Variants in ADGRG4 observed in about 807,000 individuals in gnomAD.
ADGRG4 encodes the protein G protein-coupled receptor 112.
Under a neutral mutation model 126.2 loss-of-function variants are expected in ADGRG4, and 122 were observed. That is an observed-to-expected ratio of 0.97 (90% CI 0.83 to 1.12). The LOEUF (loss-of-function observed/expected upper bound fraction) is 1.12. Ranked by LOEUF, ADGRG4 falls within the 50% of genes most tolerant of loss-of-function variation. The pLI, the probability that ADGRG4 is intolerant of heterozygous loss-of-function variation, is 0.00. For synonymous variants in ADGRG4, 943 were observed against 838.7 expected, an observed-to-expected ratio of 1.12 and a Z score of -2.15; for missense variants, 2,481 against 2,251.8, an observed-to-expected ratio of 1.10 and a Z score of -2.06.
intron 17 of ADGRG4, 151 bp downstream of exon 17, chrX:136,392,505 A>G: frequency 2.2e-6 from 1 of 464,503 alleles, no homozygotes; most frequent in Non-Finnish European, 3.5e-6. Flanking sequence ...TATAATTGGA[A>G]CCTTCCAGAA....
At chrX:136,311,851 T>A (rs377291585) in intron 4 of ADGRG4, among the ~76,000 whole-genome samples, 17 of 111,076 alleles carry the variant, frequency 1.5e-4, no homozygotes, top group African/African-American at 4.6e-4. Context: ...TTTCTTTTTT[T>A]AAAAAATTTT....
Position 136,345,262 on chromosome X carries a change from C to T in ADGRG4, c.1556C>T (p.Ala519Val). 1.7e-6 allele frequency: 2 copies of T among 1,210,952 alleles called. No individual in the cohort carries two copies. Among genetic ancestry groups the T allele is most frequent in the African/African-American group, 3.5e-5 (2 of 57,851 alleles). Reference protein sequence around the residue: ...LPTRLIETTPAPRTAETELTS... With the variant: ...LPTRLIETTPVPRTAETELTS... ...ACTAGGCTTATTGAGACCACACCTG[C>T]CCCAAGGACAGCTGAAACAGAATTG... The change falls in exon 6 of 26, where the codon GCC becomes GTC. Residue 519 changes from alanine (A) to valine (V), a missense_variant. Physicochemically the swap from Ala to Val is moderately conservative, Grantham distance 64. Coordinates refer to ENST00000394143, the MANE Select transcript of ADGRG4 (RefSeq NM_153834.4).
intron 4 of ADGRG4, among the ~76,000 whole-genome samples, chrX:136,320,202 G>T (rs956634375): frequency 1.8e-5 from 2 of 111,727 alleles, no homozygotes; most frequent in Non-Finnish European, 3.8e-5. Context: ...ATACAGGTTC[G>T]TCAATTGTTC....
At position 136,348,903 on chromosome X, in the gene ADGRG4, A is replaced by T; in HGVS notation, c.5197A>T (p.Thr1733Ser). Residue 1733 changes from threonine (T) to serine (S), a missense_variant, in exon 6 of 26, where the codon ACA (threonine) becomes TCA (serine). Thr to Ser is a moderately conservative substitution (Grantham distance 58). Transcript: ENST00000394143. ...GTCCCTATCTACTGTGAACAGTGGT[A>T]CAGGGGTAGCTCTCACAGATACTTA... ...NRSLSTVNSGTGVALTDTYSR... is the reference protein window; with the variant it reads ...NRSLSTVNSGSGVALTDTYSR... The T allele has an allele frequency of 8.3e-7, 1 of 1,204,129 alleles. No homozygotes were observed. Among genetic ancestry groups the T allele is most frequent in the Non-Finnish European group, 1.1e-6 (1 of 889,418 alleles).
intron 5 of ADGRG4, among the ~76,000 whole-genome samples, chrX:136,326,777 CT>C (rs2074875973): frequency 9.0e-6 from 1 of 111,056 alleles, no homozygotes; most frequent in Non-Finnish European, 1.9e-5. Context: ...CAGCTTTTGC[CT>C]AATAAATTGA....
intron 23 of ADGRG4, among the ~76,000 whole-genome samples, chrX:136,411,494 G>C (rs1399039608): frequency 8.9e-6 from 1 of 112,978 alleles, no homozygotes; most frequent in Non-Finnish European, 1.9e-5. Context: ...GAAGTTGAGG[G>C]TCAAATCCAT....
At chrX:136,356,347 C>T (rs1382546788) in intron 9 of ADGRG4, among the ~76,000 whole-genome samples, 182 bp downstream of exon 9, 1 of 111,310 alleles carries the variant, frequency 9.0e-6, no homozygotes, top group East Asian at 2.8e-4. Context: ...CCATCCCCTG[C>T]TTTTTTGAAC....
rs985894118 is a variant in ADGRG4, at chrX:136,357,652, T to C, written c.6928-52T>C. ...GTTAACAATAAGCCCTGTACTCAGT[T>C]ATGACATTTGTTTAAAGATTTCAGT... On this transcript the variant is annotated intron_variant, in intron 9 of 25. Transcript: ENST00000394143. 9.3e-6 allele frequency: 8 copies of C among 858,634 alleles called. No homozygotes were observed. In the African/African-American group the frequency reaches 1.6e-4, roughly 17 times the overall value. The allele number at this position is 858,634 out of a possible 1,213,427, so 70.8% of individuals were successfully genotyped here. A position where few individuals can be genotyped will look rare whatever the true frequency, so the allele number is the denominator to read the frequency against.
At chrX:136,303,082 A>G (rs1195235002) in intron 1 of ADGRG4, among the ~76,000 whole-genome samples, 1 of 111,785 alleles carries the variant, frequency 8.9e-6, no homozygotes, top group East Asian at 2.8e-4. Context: ...GCACTTTGGG[A>G]GGCCAAGGTG....
In ADGRG4 at chrX:136,347,702, C is replaced by T; in HGVS notation, c.3996C>T (p.Pro1332=). The T allele has an allele frequency of 8.3e-7, 1 of 1,209,488 alleles. No homozygotes were observed. Among genetic ancestry groups the T allele is most frequent in the African/African-American group, 1.7e-5 (1 of 57,733 alleles). ...TPSDGNLASS[P]TSGSTQITPT... ...CTGATGGAAATTTGGCTTCATCTCC[C>T]ACTTCTGGAAGCACACAGATTACAC... is the stretch of plus-strand genomic sequence containing the variant. Residue 1332 remains proline (P), a synonymous_variant, in exon 6 of 26, where the codon CCC becomes CCT. Coordinates refer to ENST00000394143, the MANE Select transcript of ADGRG4 (RefSeq NM_153834.4).
At chrX:136,399,745 A>C in intron 20 of ADGRG4, 103 bp from the exon 21 acceptor site, 1 of 713,512 alleles carries the variant, frequency 1.4e-6, no homozygotes, top group African/African-American at 2.2e-5. Flanking sequence ...AAAGATGAGT[A>C]ATTCTTTTAT....
chrX:136,306,350 C>G (rs1486265994), intron 3 of ADGRG4, among the ~76,000 whole-genome samples: 9 of 111,296 alleles, frequency 8.1e-5, no homozygotes, highest in Non-Finnish European at 1.7e-4. Context: ...TAATCCTCAC[C>G]CTTTCTTTCT....
At chrX:136,328,543 C>T (rs755763486) in intron 5 of ADGRG4, among the ~76,000 whole-genome samples, 13 of 110,077 alleles carry the variant, frequency 1.2e-4, no homozygotes, top group Non-Finnish European at 2.3e-4. Context: ...ATGAAATAAC[C>T]TGAACTGAGT....
chrX:136,304,348 A>G (rs1265212945), intron 2 of ADGRG4, 141 bp downstream of exon 2: 1 of 112,488 alleles, frequency 8.9e-6, no homozygotes, highest in Non-Finnish European at 1.9e-5. Flanking sequence ...GAACACATGC[A>G]AATGATTACA....
chrX:136,309,286 T>C (rs2074753209), intron 4 of ADGRG4, among the ~76,000 whole-genome samples: 1 of 112,384 alleles, frequency 8.9e-6, no homozygotes, highest in Admixed American at 9.4e-5. Flanking sequence ...AACTGAGGCA[T>C]GCAAACAGCT....
chrX:136,397,757 T>G, intron 19 of ADGRG4, 124 bp from the exon 20 acceptor site: 1 of 659,828 alleles, frequency 1.5e-6, no homozygotes, highest in Non-Finnish European at 2.3e-6. Flanking sequence ...CATAATCTGG[T>G]TTTAGAAGAG....
intron 5 of ADGRG4, among the ~76,000 whole-genome samples, chrX:136,325,468 C>T (rs1446008897): frequency 8.9e-6 from 1 of 111,871 alleles, no homozygotes; most frequent in Non-Finnish European, 1.9e-5. Context: ...GATTACAAAA[C>T]TGAGCTACAG....
Position 136,349,918 on chromosome X carries a change from C to T in ADGRG4, c.6212C>T (p.Thr2071Ile), listed in dbSNP as rs766822340. 2 of 1,208,885 alleles carry T rather than the reference C, an allele frequency of 1.7e-6. No individual in the cohort carries two copies. The part of the protein sequence containing the change: ...SATMSTILTR[T>I]IPTPTLGGIT... ...ACTATGAGCACCATACTCACCCGAA[C>T]CATTCCTACACCTACACTGGGTGGT... Residue 2071 changes from threonine to isoleucine, a missense_variant, in exon 6 of 26, where the codon ACC becomes ATC. Thr to Ile is a moderately conservative substitution (Grantham distance 89). Coordinates refer to ENST00000394143, the MANE Select transcript of ADGRG4 (RefSeq NM_153834.4).
chrX:136,391,823 A>G (rs1364864320), intron 16 of ADGRG4, among the ~76,000 whole-genome samples: 1 of 112,832 alleles, frequency 8.9e-6, no homozygotes, highest in Non-Finnish European at 1.9e-5. Context: ...CTTACAAATG[A>G]TAGATTTAGG....
Sources: gnomAD v4.1 joint callset for allele counts (sites outside exome capture counted in the v4.1 genomes callset) on GRCh38, gnomAD v4.1.1 for gene constraint, MANE v1.5 for transcripts, NCBI Gene and HGNC (gene_info 2026-07-23, HGNC 2026-07-21) for gene names.